Variants in CPO observed in about 807,000 individuals in gnomAD.
The protein encoded by CPO is metallocarboxypeptidase C.
Under a neutral mutation model 41.2 loss-of-function variants are expected in CPO, and 43 were observed. That is an observed-to-expected ratio of 1.04 (90% CI 0.82 to 1.35). The LOEUF is 1.35. CPO is among the 40% of genes most tolerant of loss of function. CPO has a pLI of 0.00. For missense variants in CPO, 408 were observed against 451.7 expected (o/e 0.90, Z 0.88); for synonymous variants, 178 against 162.7 (o/e 1.09, Z -0.72).
Position 206,962,556 on chromosome 2 carries a change from A to G in CPO, c.719A>G (p.Gln240Arg). ...LCFLTMHSYG[Q>R]LILTPYGYTK... is the part of the protein sequence containing the mutation. ...TTCCTGACCATGCACTCTTATGGGC[A>G]GTTAATTCTCACACCTTACGGCTAC... The change falls in exon 7 of 9, where the codon CAG (glutamine) becomes CGG (arginine). Residue 240 changes from glutamine to arginine, a missense_variant. Coordinates refer to ENST00000272852, the MANE Select transcript of CPO (RefSeq NM_173077.3). 6.2e-7 allele frequency: 1 copy of G among 1,614,192 alleles called. No individual in the cohort carries two copies. Among genetic ancestry groups the G allele is most frequent in the Non-Finnish European group, 8.5e-7 (1 of 1,180,016 alleles).
chr2:206,967,667 G>T (rs1349973552), intron 7 of CPO, among the ~76,000 whole-genome samples: 5 of 152,154 alleles, frequency 3.3e-5, no homozygotes, highest in Non-Finnish European at 1.5e-5. Flanking sequence ...ATGAGTTTTT[G>T]ACTATCATCT....
In CPO at chr2:206,955,577, G is replaced by A. The variant is rs777324323; in HGVS notation, c.267+13G>A. On this transcript the variant is annotated intron_variant, in intron 3 of 8. Transcript: ENST00000272852. Reference sequence around the variant, plus strand: ...GTATTATCTGAAGGTGAGTGAGAAGGCTGAGAATTACCTTACCAGGAGAAT... The same window carrying A: ...GTATTATCTGAAGGTGAGTGAGAAGACTGAGAATTACCTTACCAGGAGAAT... The A allele has an allele frequency of 6.0e-6, 8 of 1,327,746 alleles. No individual in the cohort carries two copies. The allele number at this position is 1,327,746 out of a possible 1,614,324, so 82.2% of individuals were successfully genotyped here. A position where few individuals can be genotyped will look rare whatever the true frequency, so the allele number is the denominator to read the frequency against.
intron 2 of CPO, among the ~76,000 whole-genome samples, chr2:206,953,468 C>T (rs1441880866): frequency 1.3e-5 from 2 of 152,260 alleles, no homozygotes; most frequent in Non-Finnish European, 2.9e-5. Flanking sequence ...CCCTTGACTC[C>T]ATGTCTCACA....
intron 1 of CPO, among the ~76,000 whole-genome samples, chr2:206,947,801 A>G (rs192034511): frequency 1.7e-4 from 26 of 152,336 alleles, no homozygotes; most frequent in African/African-American, 6.0e-4. Context: ...TAAAAAAGAT[A>G]TTCCACATCA....
chr2:206,960,814 C>T, intron 5 of CPO, 38 bp from the exon 6 acceptor site: 1 of 1,417,870 alleles, frequency 7.1e-7, no homozygotes, highest in South Asian at 1.2e-5. Flanking sequence ...ATTTATGAAA[C>T]CTTAGAACAG....
In CPO at chr2:206,960,298, C is replaced by T. The variant is rs73983119; in HGVS notation, c.484-554C>T. 3.5e-3 allele frequency among the ~76,000 whole-genome samples: 527 copies of T among 152,276 alleles called. 4 individuals carry two copies. Among genetic ancestry groups the T allele is most frequent in the African/African-American group, 0.012 (504 of 41,542 alleles). On this transcript the variant is annotated intron_variant, in intron 5 of 8. Coordinates refer to ENST00000272852, the MANE Select transcript of CPO (RefSeq NM_173077.3). ...ATTGCCTCCCCTTTTCCATTGCTCC[C>T]CTAAGGACTTCAGGGGCCCCTTTCT...
intron 1 of CPO, among the ~76,000 whole-genome samples, chr2:206,944,870 T>A (rs1394488044): frequency 6.6e-6 from 1 of 152,106 alleles, no homozygotes; most frequent in African/African-American, 2.4e-5. Context: ...TACATAGATA[T>A]GACTGGAACT....
intron 7 of CPO, among the ~76,000 whole-genome samples, chr2:206,964,074 C>T (rs1490919052): frequency 6.6e-6 from 1 of 152,154 alleles, no homozygotes; most frequent in East Asian, 1.9e-4. Context: ...TGGGGCTAAG[C>T]TTGCTCTGTT....
chr2:206,939,760 C>T, intron 1 of CPO, 93 bp downstream of exon 1: 3 of 993,324 alleles, frequency 3.0e-6, no homozygotes, highest in Non-Finnish European at 4.6e-6. Flanking sequence ...CTGGCTTCTC[C>T]TTCCTTGCTA....
intron 1 of CPO, 86 bp downstream of exon 1, chr2:206,939,753 G>C: frequency 8.7e-7 from 1 of 1,144,012 alleles, no homozygotes; most frequent in Non-Finnish European, 1.3e-6. Flanking sequence ...AATGCAGCTG[G>C]CTTCTCCTTC....
chr2:206,959,139 C>T (rs1298362057), intron 4 of CPO, among the ~76,000 whole-genome samples: 1 of 152,102 alleles, frequency 6.6e-6, no homozygotes, highest in Non-Finnish European at 1.5e-5. Context: ...ATACCCAGCA[C>T]AGTGAATTTT....
chr2:206,962,356 G>A (rs553119012), intron 6 of CPO, 56 bp from the exon 7 acceptor site: 2 of 1,503,784 alleles, frequency 1.3e-6, no homozygotes, highest in African/African-American at 2.8e-5. Flanking sequence ...CCTTGCCATT[G>A]GTCATTTCCA....
intron 7 of CPO, among the ~76,000 whole-genome samples, chr2:206,967,196 C>T (rs759706453): frequency 2.6e-5 from 4 of 151,838 alleles, no homozygotes; most frequent in Non-Finnish European, 5.9e-5. Flanking sequence ...CAAACCTAGG[C>T]GACATGCAAC....
intron 1 of CPO, among the ~76,000 whole-genome samples, chr2:206,943,587 A>G (rs916971189): frequency 7.3e-6 from 1 of 137,080 alleles, no homozygotes; most frequent in Non-Finnish European, 1.6e-5. Flanking sequence ...AGTTAAGCCT[A>G]TGTAACAAAG....
intron 2 of CPO, among the ~76,000 whole-genome samples, chr2:206,953,305 A>T (rs1693299204): frequency 1.3e-5 from 2 of 152,188 alleles, no homozygotes; most frequent in African/African-American, 2.4e-5. Context: ...AAAGCAAGTT[A>T]GTTACTTCCT....
chr2:206,960,827 A>G, intron 5 of CPO, 25 bp from the exon 6 acceptor site: 1 of 1,502,100 alleles, frequency 6.7e-7, no homozygotes, highest in South Asian at 1.1e-5. Flanking sequence ...TAGAACAGCA[A>G]CATCCGTATG....
At position 206,962,498 on chromosome 2, in the gene CPO, T is replaced by C; in HGVS notation, c.661T>C (p.Phe221Leu). 3 of 1,614,176 alleles carry C rather than the reference T, an allele frequency of 1.9e-6. No homozygotes were observed. Among genetic ancestry groups the C allele is most frequent in the Non-Finnish European group, 2.5e-6 (3 of 1,180,000 alleles). The change falls in exon 7 of 9, where the codon TTC (phenylalanine) becomes CTC (leucine). Residue 221 changes from phenylalanine (F) to leucine (L), a missense_variant. Physicochemically the swap from Phe to Leu is conservative, Grantham distance 22 (BLOSUM62 0). Transcript: ENST00000272852. ...ACCAGAGACTAAAGCTGTTGCCAGC[T>C]TCATAGAGAGCAAGAAGGATGATAT... Reference protein sequence around the residue: ...SEPETKAVASFIESKKDDILC... With the variant: ...SEPETKAVASLIESKKDDILC...
At chr2:206,940,818 A>G (rs1693014017) in intron 1 of CPO, among the ~76,000 whole-genome samples, 1 of 152,052 alleles carries the variant, frequency 6.6e-6, no homozygotes, top group Non-Finnish European at 1.5e-5. Context: ...ACCCACTCCA[A>G]TTTTTGTCCC....
chr2:206,960,623 A>T lies in CPO; in HGVS notation c.484-229A>T, dbSNP rs189216818. 2.1e-3 allele frequency among the ~76,000 whole-genome samples: 324 copies of T among 152,286 alleles called. 1 individual carries two copies. The highest frequency in any genetic ancestry group is 7.6e-3 in the African/African-American group (315 of 41,570). ...AGGCCAAACTACTTCCTCCAATTTA[A>T]TTGTTTACATGTATGTATACTTTTG... On this transcript the variant is annotated intron_variant, in intron 5 of 8. Coordinates refer to ENST00000272852, the MANE Select transcript of CPO (RefSeq NM_173077.3).
Sources: allele counts gnomAD v4.1 joint callset (sites outside exome capture counted in the v4.1 genomes callset), GRCh38; gene constraint gnomAD v4.1.1; transcripts MANE v1.5; gene names NCBI Gene and HGNC (gene_info 2026-07-23, HGNC 2026-07-21).